The following ENPP3 variants were observed in gnomAD, a reference collection of about 807,000 sequenced individuals.
ENPP3 encodes ectonucleotide pyrophosphatase/phosphodiesterase family member 3.
Under a neutral mutation model 117.8 loss-of-function variants are expected in ENPP3, and 104 were observed. The ratio of observed to expected loss-of-function variants is 0.88; its 90% confidence interval spans 0.75 to 1.04. The LOEUF (loss-of-function observed/expected upper bound fraction) is 1.04. Among genes scored for constraint, ENPP3 ranks in the 50% least tolerant of loss-of-function variants. The pLI is 0.00. For missense variants in ENPP3, 1,026 were observed against 1,051.9 expected, an observed-to-expected ratio of 0.98 and a Z score of 0.34; for synonymous variants, 380 against 349.9, an observed-to-expected ratio of 1.09 and a Z score of -0.96.
In ENPP3 at chr6:131,674,269, G is replaced by A. The variant is rs768342066; in HGVS notation, c.750G>A (p.Trp250Ter). ...SSKEQNNPAWWHGQPMWLTAM... is the reference protein window; with the variant it reads ...SSKEQNNPAW ...AGGAACAAAATAATCCAGCCTGGTGGCATGGGCAACCAGTATGTAGCATTC... is the reference window on the plus strand; with the variant it reads ...AGGAACAAAATAATCCAGCCTGGTGACATGGGCAACCAGTATGTAGCATTC... The change falls in exon 8 of 25, where the codon TGG (tryptophan) becomes TGA (stop). Residue 250 changes from tryptophan to a stop codon, truncating the protein, a stop_gained. Transcript: ENST00000357639. LOFTEE classifies it high-confidence loss of function. The A allele has an allele frequency of 4.3e-6, 7 of 1,613,586 alleles. No individual in the cohort carries two copies. The South Asian group carries it at 5.5e-5, about 13-fold the overall frequency.
intron 20 of ENPP3, among the ~76,000 whole-genome samples, chr6:131,731,567 A>T (rs570700679): frequency 2.3e-4 from 35 of 152,262 alleles, no homozygotes; most frequent in African/African-American, 5.5e-4. Flanking sequence ...TAGTCTGATC[A>T]TCCCTCTGGT....
chr6:131,723,503 G>A (rs1366339073), intron 18 of ENPP3, among the ~76,000 whole-genome samples: 3 of 152,002 alleles, frequency 2.0e-5, no homozygotes, highest in Non-Finnish European at 4.4e-5. Context: ...AATTGTTCGA[G>A]GCCAGAGAAG....
chr6:131,660,321 C>T (rs1332877612), intron 6 of ENPP3, among the ~76,000 whole-genome samples: 2 of 152,200 alleles, frequency 1.3e-5, no homozygotes, highest in African/African-American at 2.4e-5. Context: ...CTGAGTTGGG[C>T]CACCATGGTC....
At chr6:131,687,228 A>T (rs1307711568) in intron 14 of ENPP3, among the ~76,000 whole-genome samples, 1 of 152,180 alleles carries the variant, frequency 6.6e-6, no homozygotes, top group African/African-American at 2.4e-5. Context: ...GTGAGATGGT[A>T]TCTCATTGTG....
chr6:131,664,515 T>C (rs140687197), intron 6 of ENPP3, among the ~76,000 whole-genome samples: 1 of 152,178 alleles, frequency 6.6e-6, no homozygotes, highest in African/African-American at 2.4e-5. Context: ...TTTTGTAAGT[T>C]TAGTGTATCC....
chr6:131,707,150 G>A (rs1779660044), intron 15 of ENPP3, among the ~76,000 whole-genome samples: 1 of 151,202 alleles, frequency 6.6e-6, no homozygotes, highest in African/African-American at 2.4e-5. Flanking sequence ...ATTCATGCCT[G>A]GTGAGTTGAG....
At chr6:131,742,358 G>GAGT (rs1780543971) in intron 24 of ENPP3, among the ~76,000 whole-genome samples, 1 of 152,096 alleles carries the variant, frequency 6.6e-6, no homozygotes, top group African/African-American at 2.4e-5. Flanking sequence ...CGTTATTACA[G>GAGT]AGGTTCTAGG....
chr6:131,740,682 TTTA>T (rs1429522294), intron 24 of ENPP3, among the ~76,000 whole-genome samples: 1 of 152,192 alleles, frequency 6.6e-6, no homozygotes, highest in Admixed American at 6.5e-5. Flanking sequence ...TTTTTCTTTT[TTTA>T]TTTATAACAT....
chr6:131,689,258 T>C lies in ENPP3; in HGVS notation c.1284+3351T>C, dbSNP rs997040230. 6.6e-5 allele frequency among the ~76,000 whole-genome samples: 10 copies of C among 152,184 alleles called. No homozygotes were observed. The East Asian group carries it at 1.2e-3, about 18-fold the overall frequency. On this transcript the variant is annotated intron_variant, in intron 14 of 24. Transcript: ENST00000357639. ...GAAACAGCCTTCCATTGGAAGAAGA[T>C]GCCATCTAGGACTTTCATAGCTAGA...
chr6:131,638,117 C>T (rs1241482019), intron 1 of ENPP3, among the ~76,000 whole-genome samples: 2 of 151,946 alleles, frequency 1.3e-5, no homozygotes, highest in Admixed American at 6.6e-5. Context: ...TTTTCTCAGC[C>T]CCCAACCATT....
At chr6:131,723,910 A>C in intron 18 of ENPP3, 130 bp from the exon 19 acceptor site, 1 of 659,014 alleles carries the variant, frequency 1.5e-6, no homozygotes, top group South Asian at 1.9e-5. Flanking sequence ...CAGAATCTTA[A>C]GTTAGGCTAG....
chr6:131,690,242 C>T (rs73779858), intron 14 of ENPP3, among the ~76,000 whole-genome samples: 1,568 of 152,230 alleles, frequency 0.01, 22 homozygotes, highest in African/African-American at 0.032. Context: ...AAAACAGTTT[C>T]GGATGCTACA....
chr6:131,720,502 A>G, intron 17 of ENPP3, 123 bp downstream of exon 17: 1 of 520,408 alleles, frequency 1.9e-6, no homozygotes, highest in Non-Finnish European at 3.4e-6. Context: ...CAGAAAGTAA[A>G]AAAGATAAGG....
intron 20 of ENPP3, 151 bp downstream of exon 20, chr6:131,726,351 AG>A: frequency 1.6e-6 from 1 of 618,452 alleles, no homozygotes; most frequent in Non-Finnish European, 2.8e-6. Flanking sequence ...TATTAGATAA[AG>A]GTTGTTATAG....
chr6:131,654,632 A>G (rs573663884), intron 5 of ENPP3, among the ~76,000 whole-genome samples: 20 of 152,180 alleles, frequency 1.3e-4, no homozygotes, highest in Admixed American at 8.5e-4. Flanking sequence ...TTGTAGAGAC[A>G]GTGTTTTTCC....
At chr6:131,701,166 C>G in intron 15 of ENPP3, 1 of 797,882 alleles carries the variant, frequency 1.3e-6, no homozygotes, top group South Asian at 1.6e-5. Flanking sequence ...CACCAGCATC[C>G]GGGGCACCGT....
rs1489284958 is a variant in ENPP3, at chr6:131,683,115, A to T, written c.1073A>T (p.Gln358Leu). ...GGGATGTTGATGGAAGGCCTGAAGC[A>T]GCGGAATTTGCACAACTGTGTCAAT... ...AFGMLMEGLK[Q>L]RNLHNCVNII... Residue 358 changes from glutamine (Q) to leucine (L), a missense_variant, in exon 12 of 25, where the codon CAG becomes CTG. Coordinates refer to ENST00000357639, the MANE Select transcript of ENPP3 (RefSeq NM_005021.5). 7.4e-6 allele frequency: 12 copies of T among 1,612,820 alleles called. No homozygotes were observed. The highest frequency in any genetic ancestry group is 2.7e-5 in the African/African-American group (2 of 74,890).
intron 6 of ENPP3, among the ~76,000 whole-genome samples, chr6:131,668,276 G>T (rs529736499): frequency 1.5e-5 from 2 of 131,590 alleles, no homozygotes; most frequent in South Asian, 5.3e-4. Context: ...ACAGTGGCAC[G>T]ATCTCAGCTC....
At chr6:131,649,545 T>C (rs1465036682) in intron 2 of ENPP3, among the ~76,000 whole-genome samples, 1 of 152,130 alleles carries the variant, frequency 6.6e-6, no homozygotes, top group Non-Finnish European at 1.5e-5. Flanking sequence ...CTTGTACATA[T>C]CAATGTCATT....
Sources: gnomAD v4.1 joint callset for allele counts (sites outside exome capture counted in the v4.1 genomes callset) on GRCh38, gnomAD v4.1.1 for gene constraint, MANE v1.5 for transcripts, NCBI Gene and HGNC (gene_info 2026-07-23, HGNC 2026-07-21) for gene names.